The following ERG variants were observed in gnomAD, a reference collection of about 807,000 sequenced individuals.
ERG encodes the protein ETS transcription factor ERG.
Under a neutral mutation model 55.3 loss-of-function variants are expected in ERG, and 9 were observed. That is an observed-to-expected ratio of 0.16 (90% CI 0.10 to 0.28). The LOEUF is 0.28. ERG is among the 10% of genes least tolerant of loss of function. The probability of loss-of-function intolerance (pLI) is 1.00; values close to 1 mark genes in which losing one functional copy is unlikely to be tolerated. For missense variants in ERG, 434 were observed against 631.6 expected, an observed-to-expected ratio of 0.69 and a Z score of 3.35; for synonymous variants, 223 against 237.3, an observed-to-expected ratio of 0.94 and a Z score of 0.55.
chr21:38,438,149 C>T (rs543392459), intron 2 of ERG, among the ~76,000 whole-genome samples: 12 of 152,344 alleles, frequency 7.9e-5, no homozygotes, highest in Middle Eastern at 3.4e-3. Context: ...TGTTTAATCA[C>T]GGGCATTCTC....
chr21:38,376,924 G>A (rs766519229), downstream of ERG, among the ~76,000 whole-genome samples: 6 of 152,222 alleles, frequency 3.9e-5, no homozygotes, highest in African/African-American at 2.4e-5. Flanking sequence ...GGAGGGCTGC[G>A]CTTTGCTTCC....
chr21:38,633,956 G>C (rs1038889950), intron 1 of ERG, among the ~76,000 whole-genome samples: 1 of 151,666 alleles, frequency 6.6e-6, no homozygotes, highest in African/African-American at 2.4e-5. Flanking sequence ...AGAACCATAA[G>C]GTTCAGATCA....
chr21:38,562,664 T>C (rs1202037901), intron 2 of ERG, among the ~76,000 whole-genome samples: 1 of 152,228 alleles, frequency 6.6e-6, no homozygotes. Context: ...TTCAAAGAAC[T>C]TCTATCCTAC....
At chr21:38,387,721 C>T (rs1987767094) in intron 9 of ERG, among the ~76,000 whole-genome samples, 1 of 152,306 alleles carries the variant, frequency 6.6e-6, no homozygotes, top group Non-Finnish European at 1.5e-5. Flanking sequence ...CCTATTGAAC[C>T]ATGAAGAAGC....
At chr21:38,572,716 G>A (rs974850931) in intron 2 of ERG, among the ~76,000 whole-genome samples, 11 of 152,112 alleles carry the variant, frequency 7.2e-5, no homozygotes, top group Non-Finnish European at 1.5e-4. Context: ...ACACACAGAA[G>A]CCATGTGAGT....
chr21:38,556,000 G>A (rs1033689823), intron 2 of ERG, among the ~76,000 whole-genome samples: 1 of 152,048 alleles, frequency 6.6e-6, no homozygotes, highest in Non-Finnish European at 1.5e-5. Context: ...ATAGTTACAG[G>A]ATATTCAACA....
At chr21:38,657,118 T>C (rs1050953476) in intron 1 of ERG, among the ~76,000 whole-genome samples, 64 of 50,246 alleles carry the variant, frequency 1.3e-3, no homozygotes, top group African/African-American at 9.8e-3. Context: ...TCTGGGATAA[T>C]AACAAAAAAA....
intron 2 of ERG, among the ~76,000 whole-genome samples, chr21:38,509,282 C>T (rs2059493288): frequency 6.6e-6 from 1 of 152,192 alleles, no homozygotes; most frequent in Admixed American, 6.5e-5. Flanking sequence ...AGAAAATATT[C>T]CTTCTGTATG....
intron 2 of ERG, among the ~76,000 whole-genome samples, chr21:38,540,783 A>G (rs944341779): frequency 2.0e-5 from 3 of 152,176 alleles, no homozygotes; most frequent in African/African-American, 7.2e-5. Flanking sequence ...TCCATAAAGT[A>G]TGTGCCACCT....
intron 1 of ERG, among the ~76,000 whole-genome samples, chr21:38,455,202 A>T (rs1185325842): frequency 2.6e-5 from 4 of 151,082 alleles, no homozygotes; most frequent in African/African-American, 9.8e-5. Flanking sequence ...TTCTTCCAGG[A>T]TGTGGAATCC....
chr21:38,585,432 A>C (rs2060056015), upstream of ERG, among the ~76,000 whole-genome samples: 1 of 152,012 alleles, frequency 6.6e-6, no homozygotes, highest in South Asian at 2.1e-4. Context: ...TGTATTTTTT[A>C]AAATCTTAGA....
chr21:38,621,371 G>C (rs1601322673), intron 1 of ERG, among the ~76,000 whole-genome samples: 1 of 152,198 alleles, frequency 6.6e-6, no homozygotes, highest in Non-Finnish European at 1.5e-5. Flanking sequence ...ACCAGTAAAA[G>C]TGAGCAAAAG....
chr21:38,468,994 AAAAAAAAG>A lies in ERG; in HGVS notation c.19-23381_19-23374del, dbSNP rs1484798662. On this transcript the variant is annotated intron_variant, in intron 1 of 9. Transcript: ENST00000288319. Reference sequence around the variant, plus strand: ...CCAGACTCTGTCTCAAAAAAAAAAAAAAAAAAAGAAAAAAAAAAAAGAAAATGTGGCTT... The same window carrying A: ...CCAGACTCTGTCTCAAAAAAAAAAAAAAAAAAAAAAAAGAAAATGTGGCTT... Among the ~76,000 whole-genome samples, 415 of 69,892 alleles carry A rather than the reference AAAAAAAAG, an allele frequency of 5.9e-3. 15 individuals carry two copies. Among genetic ancestry groups the A allele is most frequent in the Non-Finnish European group, 0.014 (327 of 22,918 alleles). The allele number at this position is 69,892 out of a possible 152,430, so 45.9% of individuals were successfully genotyped here.
intron 4 of ERG, 58 bp downstream of exon 4, chr21:38,403,448 C>T (rs529612747): frequency 1.2e-5 from 19 of 1,554,536 alleles, no homozygotes; most frequent in Non-Finnish European, 1.7e-5. Flanking sequence ...CCCTCTGAAG[C>T]TCAGGTCATA....
chr21:38,440,638 T>C (rs1355557114), intron 2 of ERG, among the ~76,000 whole-genome samples: 1 of 151,740 alleles, frequency 6.6e-6, no homozygotes, highest in Non-Finnish European at 1.5e-5. Flanking sequence ...CTGGACAACA[T>C]GGTGAAGCCC....
At position 38,392,516 on chromosome 21, in the gene ERG, T is replaced by C. The variant is rs543192564; in HGVS notation, c.746-72A>G. On this transcript the variant is annotated intron_variant, in intron 6 of 9. Coordinates refer to ENST00000288319, the MANE Select transcript of ERG (RefSeq NM_182918.4). ...ATAAGAGATGCTTTGGTTTTTTATT[T>C]GATTTTGTATTTATTAGAATAAACT... 1.2e-5 allele frequency: 13 copies of C among 1,070,274 alleles called. No individual in the cohort carries two copies. The East Asian group carries it at 3.4e-4, about 28-fold the overall frequency. 66.3% of individuals were successfully genotyped at this position (1,070,274 alleles called of 1,614,324 possible). A position where few individuals can be genotyped will look rare whatever the true frequency, so the allele number is the denominator to read the frequency against.
intron 1 of ERG, among the ~76,000 whole-genome samples, chr21:38,600,243 G>A (rs955575891): frequency 1.3e-5 from 2 of 152,230 alleles, no homozygotes; most frequent in Admixed American, 6.5e-5. Context: ...AAACACCCAG[G>A]TTTGAGAATG....
intron 2 of ERG, 87 bp downstream of exon 2, chr21:38,445,317 A>G: frequency 9.7e-7 from 1 of 1,034,528 alleles, no homozygotes; most frequent in Non-Finnish European, 1.5e-6. Context: ...GTCAATCTTT[A>G]GAGAAGCATG....
At chr21:38,569,174 C>A (rs193252199) in intron 2 of ERG, among the ~76,000 whole-genome samples, 32 of 152,228 alleles carry the variant, frequency 2.1e-4, no homozygotes, top group South Asian at 4.1e-4. Flanking sequence ...CTCCCTCCCC[C>A]CCCACCCCCA....
Sources: allele counts gnomAD v4.1 joint callset (sites outside exome capture counted in the v4.1 genomes callset), GRCh38; gene constraint gnomAD v4.1.1; transcripts MANE v1.5; gene names NCBI Gene and HGNC (gene_info 2026-07-23, HGNC 2026-07-21).